The following POMT2 variants were observed in gnomAD, a reference collection of about 807,000 sequenced individuals.
The protein encoded by POMT2 is protein O-mannosyltransferase 2, also known as protein O-mannosyl-transferase 2.
A neutral mutation model predicts 100.0 loss-of-function variants in POMT2; 75 were observed. The ratio of observed to expected loss-of-function variants is 0.75; its 90% CI spans 0.62 to 0.91. The LOEUF is 0.91. Ranked by LOEUF, POMT2 falls within the 40% of genes least tolerant of loss-of-function variation. The pLI is 0.00. For synonymous variants in POMT2, 378 were observed against 374.1 expected (o/e 1.01, Z -0.12); for missense variants, 940 against 955.1 (o/e 0.98, Z 0.21).
At chr14:77,309,584 G>A (rs1020333600) in intron 2 of POMT2, among the ~76,000 whole-genome samples, 2 of 152,166 alleles carry the variant, frequency 1.3e-5, no homozygotes, top group African/African-American at 2.4e-5. Flanking sequence ...CAGATGGGCC[G>A]CATTCCCTGA....
Position 77,283,531 on chromosome 14 carries a change from G to A in POMT2, c.1653+266C>T, listed in dbSNP as rs7159378. 0.1 allele frequency among the ~76,000 whole-genome samples: 15,716 copies of A among 152,206 alleles called. 1,590 individuals are homozygous for A. The highest frequency in any genetic ancestry group is 0.26 in the African/African-American group (10,968 of 41,476). On this transcript the variant is annotated intron_variant, in intron 15 of 20. Coordinates refer to ENST00000261534, the MANE Select transcript of POMT2 (RefSeq NM_013382.7). The stretch of plus-strand genomic sequence containing the variant: ...GAATGATGGCAACCTCCATATGATT[G>A]TAATAAGTATCAGATGAGTATAGTG...
chr14:77,280,160 CT>C (rs1890161099), intron 16 of POMT2, 80 bp from the exon 17 acceptor site: 5 of 1,608,922 alleles, frequency 3.1e-6, no homozygotes, highest in Middle Eastern at 1.9e-4. Flanking sequence ...AGATGGTCAC[CT>C]TCCACAGACA....
intron 18 of POMT2, 151 bp downstream of exon 18, chr14:77,279,672 G>T: frequency 1.3e-6 from 1 of 781,240 alleles, no homozygotes; most frequent in Non-Finnish European, 2.2e-6. Flanking sequence ...CTGGGTACTT[G>T]GGGGTTGTTA....
intron 18 of POMT2, chr14:77,279,568 C>T (rs1365507406): frequency 1.6e-6 from 1 of 624,138 alleles, no homozygotes; most frequent in African/African-American, 1.8e-5. Context: ...GTTTCTTAAT[C>T]TCATGGTTCC....
Position 77,320,704 on chromosome 14 carries a change from C to T in POMT2, c.-23G>A, listed in dbSNP as rs1478727089. 6.3e-7 allele frequency: 1 copy of T among 1,590,654 alleles called. No homozygotes were observed. Among genetic ancestry groups the T allele is most frequent in the Non-Finnish European group, 8.5e-7 (1 of 1,176,946 alleles). On this transcript the variant is annotated 5_prime_UTR_variant, in exon 1 of 21. Transcript: ENST00000261534. ...CATCTTCCCCCTCCTCTGGGTCGCCCTCCGGCCCGGAGGCACACTTTGTCT... is the reference window on the plus strand; with the variant it reads ...CATCTTCCCCCTCCTCTGGGTCGCCTTCCGGCCCGGAGGCACACTTTGTCT...
chr14:77,320,326 G>C (rs11629257), intron 1 of POMT2, 108 bp downstream of exon 1: 2 of 1,523,220 alleles, frequency 1.3e-6, no homozygotes, highest in Non-Finnish European at 1.8e-6. Context: ...CCCCTCCACC[G>C]TGGCCCTCCT....
intron 1 of POMT2, among the ~76,000 whole-genome samples, chr14:77,313,567 A>C (rs1566662747): frequency 6.6e-6 from 1 of 152,218 alleles, no homozygotes. Context: ...AACACATGTG[A>C]AAGAATTCTG....
At chr14:77,280,214 GCT>G in intron 16 of POMT2, 134 bp from the exon 17 acceptor site, 1 of 1,569,944 alleles carries the variant, frequency 6.4e-7, no homozygotes, top group Non-Finnish European at 8.6e-7. Context: ...TTCTACACGA[GCT>G]CTCTGGGAAG....
At chr14:77,288,211 G>A (rs1890505078) in intron 11 of POMT2, among the ~76,000 whole-genome samples, 2 of 152,166 alleles carry the variant, frequency 1.3e-5, no homozygotes, top group Non-Finnish European at 2.9e-5. Flanking sequence ...TTAGGCTTTG[G>A]CCTGGTAACT....
chr14:77,279,955 G>GAGAA, intron 17 of POMT2, 27 bp from the exon 18 acceptor site: 10 of 1,614,162 alleles, frequency 6.2e-6, no homozygotes, highest in Non-Finnish European at 8.5e-6. Context: ...ATGGGCAGAT[G>GAGAA]AGAACGCAGC....
rs538083117 is a variant in POMT2 at position 77,316,534 on chromosome 14, C to A, written c.248+3900G>T. On this transcript the variant is annotated intron_variant, in intron 1 of 20. Transcript: ENST00000261534. ...TGAGCTATGATTGTACCACTCCACT[C>A]CAGACTGGGCAACAGAGTCAGATCT... 4.7e-5 allele frequency among the ~76,000 whole-genome samples: 7 copies of A among 148,428 alleles called. No homozygotes were observed. In the South Asian group the frequency reaches 1.5e-3, roughly 32 times the overall value.
At chr14:77,280,210 A>G in intron 16 of POMT2, 130 bp from the exon 17 acceptor site, 1 of 1,573,068 alleles carries the variant, frequency 6.4e-7, no homozygotes, top group Non-Finnish European at 8.6e-7. Flanking sequence ...CAAATTCTAC[A>G]CGAGCTCTCT....
chr14:77,278,687 T>G, intron 19 of POMT2, 42 bp downstream of exon 19: 1 of 1,612,576 alleles, frequency 6.2e-7, no homozygotes, highest in African/African-American at 1.3e-5. Flanking sequence ...TGGCCCGCCC[T>G]CCACCTGCTC....
Position 77,291,376 on chromosome 14 carries a change from G to A in POMT2, c.1121C>T (p.Thr374Ile). 1 of 1,013,200 alleles carries A rather than the reference G, an allele frequency of 9.9e-7. No individual in the cohort carries two copies. Among genetic ancestry groups the A allele is most frequent in the Non-Finnish European group, 1.4e-6 (1 of 716,684 alleles). 62.8% of individuals were successfully genotyped at this position (1,013,200 alleles called of 1,614,324 possible). Residue 374 changes from threonine to isoleucine, a missense_variant, in exon 10 of 21, where the codon ACC becomes ATC. Thr to Ile is a moderately conservative substitution (Grantham distance 89, BLOSUM62 -1). Coordinates refer to ENST00000261534, the MANE Select transcript of POMT2 (RefSeq NM_013382.7). ...GTTGTAGTCCTTGTGCAAATAGGTG[G>A]TGACCTGGGTGGGGGGTGGGGGCGG... ...EGIGARQQQV[T>I]TYLHKDYNNL...
In POMT2 at chr14:77,302,901, G is replaced by A. The variant is rs1439975220; in HGVS notation, c.590C>T (p.Pro197Leu). ...AGCCATGATGAAGAACATCAGGATG[G>A]GGTCAAGGAGGATGTACTGGGACAG... is the stretch of plus-strand genomic sequence containing the variant. The part of the protein sequence containing the change: ...LTLSQYILLD[P>L]ILMFFIMAAM... The change falls in exon 5 of 21, where the codon CCC becomes CTC. Residue 197 changes from proline to leucine, a missense_variant. Pro to Leu is a moderately conservative substitution (Grantham distance 98). Transcript: ENST00000261534. The A allele has an allele frequency of 6.2e-7, 1 of 1,613,912 alleles. No individual in the cohort carries two copies. The highest frequency in any genetic ancestry group is 8.5e-7 in the Non-Finnish European group (1 of 1,179,830).
Position 77,320,503 on chromosome 14 carries a change from AG to A in POMT2, c.178del (p.Leu60CysfsTer5). On this transcript the variant is annotated frameshift_variant, in exon 1 of 21. Coordinates refer to ENST00000261534, the MANE Select transcript of POMT2 (RefSeq NM_013382.7). LOFTEE classifies it high-confidence loss of function. Reference protein sequence around the residue: ...RRFEAVGWWALLALVTLLSFA... With the variant: ...RRFEAVGWWAXLALVTLLSFA... Reference sequence around the variant, plus strand: ...GGACAGCAGCGTCACCAAGGCCAGCAGGGCCCACCAGCCGACCGCCTCGAAG... The same window carrying A: ...GGACAGCAGCGTCACCAAGGCCAGCAGGCCCACCAGCCGACCGCCTCGAAG... The A allele has an allele frequency of 6.5e-7, 1 of 1,547,498 alleles. No individual in the cohort carries two copies. The highest frequency in any genetic ancestry group is 1.2e-5 in the South Asian group (1 of 84,748).
chr14:77,297,615 G>C (rs546391873), intron 8 of POMT2, among the ~76,000 whole-genome samples: 6 of 152,250 alleles, frequency 3.9e-5, no homozygotes. Flanking sequence ...CTGTATTTTA[G>C]GCACTGTGCA....
intron 2 of POMT2, among the ~76,000 whole-genome samples, chr14:77,307,595 C>G (rs1891269077): frequency 6.6e-6 from 1 of 152,198 alleles, no homozygotes; most frequent in South Asian, 2.1e-4. Flanking sequence ...ATTGGTCATA[C>G]ATTTCCAGAC....
chr14:77,306,572 A>G, intron 2 of POMT2, 131 bp from the exon 3 acceptor site: 3 of 1,013,604 alleles, frequency 3.0e-6, no homozygotes, highest in Non-Finnish European at 4.4e-6. Context: ...AATGTTGCCA[A>G]TGCAACATTT....
Sources: gnomAD v4.1 joint callset for allele counts (sites outside exome capture counted in the v4.1 genomes callset) on GRCh38, gnomAD v4.1.1 for gene constraint, MANE v1.5 for transcripts, NCBI Gene and HGNC (gene_info 2026-07-23, HGNC 2026-07-21) for gene names.